Variants in XPNPEP1 observed in about 807,000 individuals in gnomAD.
XPNPEP1 encodes the protein X-prolyl aminopeptidase 1.
A neutral mutation model predicts 92.4 loss-of-function variants in XPNPEP1; 39 were observed. The ratio of observed to expected loss-of-function variants is 0.42; its 90% CI spans 0.33 to 0.55. The LOEUF is 0.55. Ranked by LOEUF, XPNPEP1 falls within the 20% of genes least tolerant of loss-of-function variation. The pLI, the probability that XPNPEP1 is intolerant of heterozygous loss-of-function variation, is 0.08. For synonymous variants in XPNPEP1, 307 were observed against 299.4 expected (o/e 1.03, Z -0.26); for missense variants, 654 against 856.1 (o/e 0.76, Z 2.95).
rs1848260936 is a variant in XPNPEP1, at chr10:109,884,168, C to T, written c.749-20G>A. 6.2e-7 allele frequency: 1 copy of T among 1,611,408 alleles called. No individual in the cohort carries two copies. Among genetic ancestry groups the T allele is most frequent in the African/African-American group, 1.3e-5 (1 of 74,802 alleles). ...ATAGCCCTAGAAAAGAAATCAAAAT[C>T]CCTGTCACCTGTCTGACTTAAGATG... On this transcript the variant is annotated intron_variant, in intron 8 of 20. Coordinates refer to ENST00000502935, the MANE Select transcript of XPNPEP1 (RefSeq NM_020383.4).
At chr10:109,922,413 T>C (rs994169201) in intron 1 of XPNPEP1, among the ~76,000 whole-genome samples, 1 of 152,192 alleles carries the variant, frequency 6.6e-6, no homozygotes, top group Admixed American at 6.5e-5. Flanking sequence ...TACAGGAAGC[T>C]CCTTCCAGAT....
intron 16 of XPNPEP1, among the ~76,000 whole-genome samples, chr10:109,872,420 G>T (rs1000861960): frequency 6.6e-6 from 1 of 152,236 alleles, no homozygotes. Flanking sequence ...CCGGACAAGA[G>T]AAGTGCTACT....
intron 1 of XPNPEP1, among the ~76,000 whole-genome samples, chr10:109,919,085 T>C (rs1850382260): frequency 6.6e-6 from 1 of 152,188 alleles, no homozygotes; most frequent in Admixed American, 6.5e-5. Flanking sequence ...GATTAGGCAA[T>C]GACTTCTTTA....
At chr10:109,906,070 G>T (rs1849543219) in intron 3 of XPNPEP1, among the ~76,000 whole-genome samples, 1 of 152,184 alleles carries the variant, frequency 6.6e-6, no homozygotes, top group African/African-American at 2.4e-5. Context: ...AAGTCAGCCA[G>T]CCAGAATGGA....
At chr10:109,905,173 T>C (rs982445835) in intron 3 of XPNPEP1, among the ~76,000 whole-genome samples, 5 of 152,208 alleles carry the variant, frequency 3.3e-5, no homozygotes, top group African/African-American at 4.8e-5. Flanking sequence ...AGACAAATAC[T>C]GCATGATTCC....
chr10:109,885,090 A>C (rs1189719423), intron 8 of XPNPEP1, among the ~76,000 whole-genome samples: 2 of 152,176 alleles, frequency 1.3e-5, no homozygotes, highest in Non-Finnish European at 2.9e-5. Flanking sequence ...CTAAAAGCCA[A>C]CCAGAAATAG....
chr10:109,877,825 G>A lies in XPNPEP1; in HGVS notation c.1284C>T (p.Ser428=), dbSNP rs751708575. 2 of 1,614,222 alleles carry A rather than the reference G, an allele frequency of 1.2e-6. No individual in the cohort carries two copies. Among genetic ancestry groups the A allele is most frequent in the Admixed American group, 1.7e-5 (1 of 60,024 alleles). The change falls in exon 14 of 21, where the codon TCC becomes TCT. Residue 428 remains serine, a synonymous_variant. Transcript: ENST00000502935. ...DFVDLSFPTI[S]STGPNGAIIH... ...TGATGGCGCCGTTGGGTCCCGTACTGGAAATTGTTGGGAAGCTCAGGTCCA... is the reference window on the plus strand; with the variant it reads ...TGATGGCGCCGTTGGGTCCCGTACTAGAAATTGTTGGGAAGCTCAGGTCCA...
intron 5 of XPNPEP1, among the ~76,000 whole-genome samples, chr10:109,890,936 G>A (rs1372371080): frequency 2.6e-5 from 4 of 152,048 alleles, no homozygotes; most frequent in South Asian, 2.1e-4. Flanking sequence ...AGAAGCATCA[G>A]GTATTTTGTT....
Position 109,865,319 on chromosome 10 carries a change from G to A in XPNPEP1, c.1873-7C>T. On this transcript the variant is annotated splice_region_variant and splice_polypyrimidine_tract_variant and intron_variant, in intron 20 of 20. Coordinates refer to ENST00000502935, the MANE Select transcript of XPNPEP1 (RefSeq NM_020383.4). ...AATTGTTGAGCCAGTCGCACTGCAG[G>A]GAAGAGAAGGACAGACACGGTATTC... The A allele has an allele frequency of 6.2e-7, 1 of 1,614,078 alleles. No individual in the cohort carries two copies. The highest frequency in any genetic ancestry group is 8.5e-7 in the Non-Finnish European group (1 of 1,180,012).
At chr10:109,909,443 A>G (rs1485355210) in intron 2 of XPNPEP1, among the ~76,000 whole-genome samples, 1 of 152,246 alleles carries the variant, frequency 6.6e-6, no homozygotes, top group Non-Finnish European at 1.5e-5. Context: ...TGAAATGTTA[A>G]AGATGTTAAC....
rs1847361936 is a variant in XPNPEP1, at chr10:109,869,976, G to C, written c.1750C>G (p.Leu584Val). Residue 584 changes from leucine to valine, a missense_variant, in exon 19 of 21, where the codon CTT becomes GTT. Physicochemically the swap from Leu to Val is conservative, Grantham distance 32 (BLOSUM62 1). Transcript: ENST00000502935. ...AFGIRIENVV[L>V]VVPVKTKYNF... is the part of the protein sequence containing the mutation. ...ACCTTGGTCTTCACAGGAACCACAA[G>C]GACAACATTCTCAATGCGAATTCCA... The C allele has an allele frequency of 6.2e-7, 1 of 1,614,120 alleles. No individual in the cohort carries two copies. Among genetic ancestry groups the C allele is most frequent in the Non-Finnish European group, 8.5e-7 (1 of 1,180,004 alleles).
rs1315939822 is a variant in XPNPEP1 at position 109,864,995 on chromosome 10, A to C, written c.*189T>G. 2.3e-6 allele frequency: 2 copies of C among 862,818 alleles called. No homozygotes were observed. The highest frequency in any genetic ancestry group is 3.4e-6 in the Non-Finnish European group (2 of 586,058). 53.4% of individuals were successfully genotyped at this position (862,818 alleles called of 1,614,324 possible). A position where few individuals can be genotyped will look rare whatever the true frequency, so the allele number is the denominator to read the frequency against. On this transcript the variant is annotated 3_prime_UTR_variant, in exon 21 of 21. Transcript: ENST00000502935. ...CTTGGCTTGTTCTCAACAATTAAAA[A>C]ATCATAAAAGACTGAGTGTTTGCAA...
intron 14 of XPNPEP1, chr10:109,876,710 A>T (rs1847804119): frequency 6.6e-6 from 1 of 152,288 alleles, no homozygotes; most frequent in African/African-American, 2.4e-5. Flanking sequence ...AAGGGGGAAA[A>T]AAGTGTGTGC....
chr10:109,893,100 G>A (rs1589594182), intron 3 of XPNPEP1, 25 bp from the exon 4 acceptor site: 1 of 1,609,396 alleles, frequency 6.2e-7, no homozygotes, highest in Non-Finnish European at 8.5e-7. Context: ...TGACAACAAA[G>A]TGGGCCTCGA....
intron 15 of XPNPEP1, among the ~76,000 whole-genome samples, chr10:109,875,134 A>C (rs542252246): frequency 6.6e-6 from 1 of 152,160 alleles, no homozygotes; most frequent in African/African-American, 2.4e-5. Flanking sequence ...GGCAGCCCTC[A>C]TTTCTCATTT....
At chr10:109,878,797 G>C (rs979863223) in intron 12 of XPNPEP1, among the ~76,000 whole-genome samples, 21 of 151,280 alleles carry the variant, frequency 1.4e-4, no homozygotes, top group Non-Finnish European at 3.1e-4. Context: ...GATCACCTGA[G>C]CTTGGGGAGG....
chr10:109,915,322 T>C (rs1040599470), intron 1 of XPNPEP1: 1 of 354,980 alleles, frequency 2.8e-6, no homozygotes. Context: ...TTCTAGTTCA[T>C]AAATTCTCAC....
Position 109,870,716 on chromosome 10 carries a change from G to T in XPNPEP1, c.1696+15C>A, listed in dbSNP as rs1464976553. ...TCAAGGATCCACGCATGCCCTCTAT[G>T]TGAGGGACACTTACCATCAGTGACA... On this transcript the variant is annotated intron_variant, in intron 18 of 20. Transcript: ENST00000502935. The T allele has an allele frequency of 2.5e-6, 4 of 1,612,954 alleles. No homozygotes were observed. The highest frequency in any genetic ancestry group is 3.4e-6 in the Non-Finnish European group (4 of 1,179,284).
chr10:109,886,520 G>A (rs1848399206), intron 7 of XPNPEP1, among the ~76,000 whole-genome samples, 179 bp from the exon 8 acceptor site: 1 of 152,222 alleles, frequency 6.6e-6, no homozygotes, highest in African/African-American at 2.4e-5. Context: ...CCACTTGACT[G>A]TCGTGAGCCT....
Sources: gnomAD v4.1 joint callset for allele counts (sites outside exome capture counted in the v4.1 genomes callset) on GRCh38, gnomAD v4.1.1 for gene constraint, MANE v1.5 for transcripts, NCBI Gene and HGNC (gene_info 2026-07-23, HGNC 2026-07-21) for gene names.